MADCAM1: variants seen among roughly 807,000 people sequenced by gnomAD.
MADCAM1 encodes mucosal vascular addressin cell adhesion molecule 1.
A neutral mutation model predicts 26.1 loss-of-function variants in MADCAM1; 19 were observed. The ratio of observed to expected loss-of-function variants is 0.73; its 90% CI spans 0.51 to 1.07. MADCAM1 has a LOEUF of 1.07. Ranked by LOEUF, MADCAM1 falls within the 50% of genes least tolerant of loss-of-function variation. MADCAM1 has a pLI of 0.00. For missense variants in MADCAM1, 514 were observed against 542.1 expected (o/e 0.95, Z 0.51); for synonymous variants, 268 against 260.9 (o/e 1.03, Z -0.26).
At chr19:500,026 G>GGCCA in intron 3 of MADCAM1, 1 of 454,194 alleles carries the variant, frequency 2.2e-6, no homozygotes. Context: ...AGAGGAGGCT[G>GGCCA]GATTTGAGGG....
In MADCAM1 at chr19:496,578, G is replaced by A. The variant is rs767335090; in HGVS notation, c.52+27G>A. The A allele has an allele frequency of 1.4e-5, 18 of 1,281,276 alleles. No homozygotes were observed. In the African/African-American group the frequency reaches 2.6e-4, roughly 19 times the overall value. The allele number at this position is 1,281,276 out of a possible 1,614,324, so 79.4% of individuals were successfully genotyped here. On this transcript the variant is annotated intron_variant, in intron 1 of 4. Transcript: ENST00000215637. ...TGAGAAGGGGAGGGGGCGCGGGAGA[G>A]AGGAGTGAGTTAGGAGGGGGCTCAG...
intron 4 of MADCAM1, among the ~76,000 whole-genome samples, chr19:503,361 C>T (rs1338568334): frequency 2.0e-5 from 3 of 150,436 alleles, no homozygotes; most frequent in South Asian, 2.1e-4. Context: ...GCGGGCGGAT[C>T]ACGAGGTCAG....
At chr19:500,586 T>C (rs1235009155) in intron 3 of MADCAM1, among the ~76,000 whole-genome samples, 1 of 152,100 alleles carries the variant, frequency 6.6e-6, no homozygotes, top group Non-Finnish European at 1.5e-5. Flanking sequence ...AAAAATTAGA[T>C]GTGGCCAGGT....
intron 4 of MADCAM1, among the ~76,000 whole-genome samples, chr19:504,255 C>CATTTTTTTTTT: frequency 1.1e-5 from 1 of 88,150 alleles, no homozygotes; most frequent in South Asian, 3.2e-4. Flanking sequence ...CCGGTCTGCC[C>CATTTTTTTTTT]TTTTTTTTTT....
At position 504,961 on chromosome 19, in the gene MADCAM1, C is replaced by G. The variant is rs762979960; in HGVS notation, c.1145C>G (p.Ser382Cys). Reference protein sequence around the residue: ...RGTGQVGISPS With the variant: ...RGTGQVGISPC ...ACCGGCCAGGTCGGGATCAGCCCCT[C>G]CTGAGTGGCCAGCCTTTCCCCCTGT... is the stretch of plus-strand genomic sequence containing the variant. The change falls in exon 5 of 5, where the codon TCC (serine) becomes TGC (cysteine). Residue 382 changes from serine to cysteine, a missense_variant. Transcript: ENST00000215637. 4.4e-6 allele frequency: 7 copies of G among 1,587,406 alleles called. No individual in the cohort carries two copies. The highest frequency in any genetic ancestry group is 6.0e-6 in the Non-Finnish European group (7 of 1,160,356).
intron 3 of MADCAM1, among the ~76,000 whole-genome samples, chr19:501,111 C>T (rs1240675462): frequency 6.6e-6 from 1 of 151,876 alleles, no homozygotes; most frequent in East Asian, 1.9e-4. Flanking sequence ...ATGGCTTCAG[C>T]CTGGGAGGTT....
At position 498,126 on chromosome 19, in the gene MADCAM1, T is replaced by TC. The variant is rs1475709967; in HGVS notation, c.337+15dup. 3.9e-5 allele frequency: 51 copies of TC among 1,313,570 alleles called. No individual in the cohort carries two copies. In the East Asian group the frequency reaches 1.1e-3, roughly 28 times the overall value. The allele number at this position is 1,313,570 out of a possible 1,614,324, so 81.4% of individuals were successfully genotyped here. A position where few individuals can be genotyped will look rare whatever the true frequency, so the allele number is the denominator to read the frequency against. On this transcript the variant is annotated intron_variant, in intron 2 of 4. Transcript: ENST00000215637. Reference sequence around the variant, plus strand: ...GCAGCTCCTTGTGTACGGTGAGGCGTCCCCCCGCGCCCTGCCTCTCTGACC... The same window carrying TC: ...GCAGCTCCTTGTGTACGGTGAGGCGTCCCCCCCGCGCCCTGCCTCTCTGACC...
At chr19:498,448 C>G (rs772983973) in intron 2 of MADCAM1, 48 bp from the exon 3 acceptor site, 2 of 1,429,162 alleles carry the variant, frequency 1.4e-6, no homozygotes, top group East Asian at 5.5e-5. Flanking sequence ...TCCATCACGT[C>G]CAGCCCTGAC....
intron 3 of MADCAM1, chr19:500,213 GGCA>G: frequency 2.2e-6 from 1 of 456,190 alleles, no homozygotes; most frequent in South Asian, 1.5e-5. Flanking sequence ...TCGCTCTCAG[GGCA>G]GCCCAAAGAG....
intron 4 of MADCAM1, among the ~76,000 whole-genome samples, chr19:503,433 T>C (rs983412352): frequency 1.4e-5 from 2 of 146,602 alleles, no homozygotes; most frequent in Non-Finnish European, 3.0e-5. Flanking sequence ...TACAAAAAAT[T>C]AGCCGGGCGT....
intron 3 of MADCAM1, among the ~76,000 whole-genome samples, chr19:501,087 G>A (rs1256948340): frequency 6.6e-6 from 1 of 152,044 alleles, no homozygotes; most frequent in East Asian, 1.9e-4. Flanking sequence ...TACTCAGGAG[G>A]CTGAGTGGGG....
At position 498,529 on chromosome 19, in the gene MADCAM1, CCCTGGTG is replaced by C; in HGVS notation, c.379_385del (p.Pro127ThrfsTer57). On this transcript the variant is annotated frameshift_variant, in exon 3 of 5. Coordinates refer to ENST00000215637, the MANE Select transcript of MADCAM1 (RefSeq NM_130760.3). LOFTEE classifies it high-confidence loss of function. ...GACCAGCTGACCGTCTCCCCAGCAG[CCCTGGTG>C]CCTGGTGACCCGGAGGTGGCCTGTA... 1 of 1,470,704 alleles carries C rather than the reference CCCTGGTG, an allele frequency of 6.8e-7. No individual in the cohort carries two copies. 91.1% of individuals were successfully genotyped at this position (1,470,704 alleles called of 1,614,324 possible).
At chr19:502,474 G>T (rs1208931821) in intron 4 of MADCAM1, among the ~76,000 whole-genome samples, 1 of 151,960 alleles carries the variant, frequency 6.6e-6, no homozygotes, top group Admixed American at 6.6e-5. Flanking sequence ...GCTAATTTTT[G>T]TATTTTTAGT....
At position 502,028 on chromosome 19, in the gene MADCAM1, T is replaced by C. The variant is rs549860849; in HGVS notation, c.928+99T>C. 2.4e-3 allele frequency: 3,001 copies of C among 1,266,162 alleles called. 10 individuals carry two copies. Among genetic ancestry groups the C allele is most frequent in the Middle Eastern group, 4.0e-3 (14 of 3,534 alleles). 78.4% of individuals were successfully genotyped at this position (1,266,162 alleles called of 1,614,324 possible). On this transcript the variant is annotated intron_variant, in intron 4 of 4. Transcript: ENST00000215637. ...GACAAGAAATTGCCCTGCCCAGCCT[T>C]GGTTTCCCCGTCTGCCCAGCCTCAG...
Position 501,006 on chromosome 19 carries a change from C to T in MADCAM1, c.668-663C>T, listed in dbSNP as rs143404027. Among the ~76,000 whole-genome samples, 127 of 151,862 alleles carry T rather than the reference C, an allele frequency of 8.4e-4. 1 individual carries two copies. The highest frequency in any genetic ancestry group is 7.2e-3 in the East Asian group (37 of 5,156). ...GTTCCAGACCAGCTTGGGCAACATA[C>T]GAGACCTCCCATCTCTACAAAAAAA... On this transcript the variant is annotated intron_variant, in intron 3 of 4. Coordinates refer to ENST00000215637, the MANE Select transcript of MADCAM1 (RefSeq NM_130760.3).
intron 4 of MADCAM1, among the ~76,000 whole-genome samples, chr19:503,902 G>C (rs181020837): frequency 6.6e-6 from 1 of 152,140 alleles, no homozygotes; most frequent in Admixed American, 6.6e-5. Flanking sequence ...ACAAAAATTA[G>C]CCAGGTGTGG....
chr19:498,617 C>T lies in MADCAM1; in HGVS notation c.459C>T (p.Val153=), dbSNP rs1419042669. Residue 153 remains valine (V), a synonymous_variant, in exon 3 of 5, where the codon GTC becomes GTT. Transcript: ENST00000215637. ...ACGCGCTCTCCTTCTCCCTGCTCGT[C>T]GGGGGCCAGGAACTGGAGGGGGCGC... ...DPNALSFSLL[V]GGQELEGAQA... 5 of 1,476,616 alleles carry T rather than the reference C, an allele frequency of 3.4e-6. No homozygotes were observed. Among genetic ancestry groups the T allele is most frequent in the Non-Finnish European group, 4.5e-6 (5 of 1,119,048 alleles). The allele number at this position is 1,476,616 out of a possible 1,614,324, so 91.5% of individuals were successfully genotyped here.
At position 498,552 on chromosome 19, in the gene MADCAM1, G is replaced by A. The variant is rs1461504435; in HGVS notation, c.394G>A (p.Val132Met). 6.8e-7 allele frequency: 1 copy of A among 1,472,380 alleles called. No individual in the cohort carries two copies. Among genetic ancestry groups the A allele is most frequent in the Non-Finnish European group, 9.0e-7 (1 of 1,116,870 alleles). 91.2% of individuals were successfully genotyped at this position (1,472,380 alleles called of 1,614,324 possible). ...PAALVPGDPE[V>M]ACTAHKVTPV... ...AGCCCTGGTGCCTGGTGACCCGGAG[G>A]TGGCCTGTACGGCCCACAAAGTCAC... Residue 132 changes from valine (V) to methionine (M), a missense_variant, in exon 3 of 5, where the codon GTG (valine) becomes ATG (methionine). By Grantham distance (21) the Val-to-Met change is conservative (BLOSUM62 1). This residue lies in a region of MADCAM1 where 317 missense variants were observed against 313.6 expected (regional missense o/e 1.01). Transcript: ENST00000215637.
In MADCAM1 at chr19:498,608, C is replaced by T; in HGVS notation, c.450C>T (p.Ser150=). The change falls in exon 3 of 5, where the codon TCC becomes TCT. Residue 150 remains serine, a synonymous_variant. Transcript: ENST00000215637. ...TPVDPNALSF[S]LLVGGQELEG... is the part of the protein sequence containing the mutation. ...TGGACCCCAACGCGCTCTCCTTCTCCCTGCTCGTCGGGGGCCAGGAACTGG... is the reference window on the plus strand; with the variant it reads ...TGGACCCCAACGCGCTCTCCTTCTCTCTGCTCGTCGGGGGCCAGGAACTGG... 1.3e-6 allele frequency: 2 copies of T among 1,482,540 alleles called. No individual in the cohort carries two copies. The highest frequency in any genetic ancestry group is 8.9e-7 in the Non-Finnish European group (1 of 1,121,340). The allele number at this position is 1,482,540 out of a possible 1,614,324, so 91.8% of individuals were successfully genotyped here. A position where few individuals can be genotyped will look rare whatever the true frequency, so the allele number is the denominator to read the frequency against.
Sources: gnomAD v4.1 joint callset for allele counts (sites outside exome capture counted in the v4.1 genomes callset) on GRCh38, gnomAD v4.1.1 for gene constraint, gnomAD v4.1.1 regional missense constraint, MANE v1.5 for transcripts, NCBI Gene and HGNC (gene_info 2026-07-23, HGNC 2026-07-21) for gene names.